KCNH1: variants seen among roughly 807,000 people sequenced by gnomAD.
KCNH1 encodes voltage-gated delayed rectifier potassium channel KCNH1.
Under a neutral mutation model 69.2 loss-of-function variants are expected in KCNH1, and 27 were observed. The observed-to-expected ratio is 0.39, with a 90% CI of 0.29 to 0.54. The LOEUF is 0.54. Among genes scored for constraint, KCNH1 ranks in the 20% least tolerant of loss-of-function variants. The pLI is 0.68. For missense variants in KCNH1, 798 were observed against 1,261.6 expected (o/e 0.63, Z 5.57); for synonymous variants, 456 against 487.7 (o/e 0.93, Z 0.86).
intron 7 of KCNH1, among the ~76,000 whole-genome samples, chr1:210,843,259 T>C (rs937884660): frequency 4.6e-5 from 7 of 152,182 alleles, no homozygotes; most frequent in Admixed American, 2.6e-4. Context: ...TCTAGACCAC[T>C]GGACCATTCT....
intron 6 of KCNH1, among the ~76,000 whole-genome samples, chr1:210,951,990 T>C (rs2102346827): frequency 6.6e-6 from 1 of 152,264 alleles, no homozygotes; most frequent in South Asian, 2.1e-4. Flanking sequence ...CCACTCTTTG[T>C]CACTCCCTGA....
chr1:210,814,330 A>G (rs1684770634), intron 7 of KCNH1, among the ~76,000 whole-genome samples: 1 of 152,176 alleles, frequency 6.6e-6, no homozygotes, highest in African/African-American at 2.4e-5. Context: ...AATATATAAA[A>G]TGCTTATCAC....
intron 7 of KCNH1, among the ~76,000 whole-genome samples, chr1:210,917,229 GAGAAAGAAAGAAAGAAAGAA>G (rs1187754589): frequency 1.6e-4 from 13 of 78,800 alleles, no homozygotes; most frequent in South Asian, 5.0e-4. Flanking sequence ...GAGAGAGAGA[GAGAAAGAAAGAAAGAAAGAA>G]AGAAAGAAAG....
At position 211,090,131 on chromosome 1, in the gene KCNH1, T is replaced by A. The variant is rs193084238; in HGVS notation, c.439+431A>T. 4.0e-4 allele frequency among the ~76,000 whole-genome samples: 61 copies of A among 152,358 alleles called. 1 individual carries two copies. Among genetic ancestry groups the A allele is most frequent in the African/African-American group, 1.4e-3 (60 of 41,594 alleles). Reference sequence around the variant, plus strand: ...TTAATCAACCACAGATGCAAAGATGTGCTAAAGTCCGCTTTAACAATCTTG... The same window carrying A: ...TTAATCAACCACAGATGCAAAGATGAGCTAAAGTCCGCTTTAACAATCTTG... On this transcript the variant is annotated intron_variant, in intron 4 of 10. Coordinates refer to ENST00000271751, the MANE Select transcript of KCNH1 (RefSeq NM_172362.3).
At chr1:210,985,426 A>C (rs12046391) in intron 6 of KCNH1, among the ~76,000 whole-genome samples, 1 of 152,110 alleles carries the variant, frequency 6.6e-6, no homozygotes, top group Non-Finnish European at 1.5e-5. Flanking sequence ...ATGTAGTGCT[A>C]TAAATTTCCC....
At chr1:210,981,167 G>C (rs1219543841) in intron 6 of KCNH1, among the ~76,000 whole-genome samples, 1 of 152,066 alleles carries the variant, frequency 6.6e-6, no homozygotes, top group Non-Finnish European at 1.5e-5. Flanking sequence ...CAGGCAGACA[G>C]TGCTTTCAGT....
chr1:210,885,894 T>G (rs1286362588), intron 7 of KCNH1, among the ~76,000 whole-genome samples: 1 of 152,194 alleles, frequency 6.6e-6, no homozygotes, highest in Non-Finnish European at 1.5e-5. Context: ...GCAGCCCCAG[T>G]CAGGGTCTTA....
rs1329688957 is a variant in KCNH1, at chr1:210,683,813, T to C, written c.2438A>G (p.Lys813Arg). Residue 813 changes from lysine (K) to arginine (R), a missense_variant, in exon 11 of 11, where the codon AAG (lysine) becomes AGG (arginine). Transcript: ENST00000271751. The surrounding 1 kb of genome is among the most constrained non-coding windows in gnomAD (Gnocchi z 5.7). ...ASTSGVPDHA[K>R]LQAPGSECLG... ...GCACTCGGACCCTGGCGCCTGTAGC[T>C]TTGCGTGGTCTGGCACCCCGGAGGT... The C allele has an allele frequency of 1.2e-6, 2 of 1,613,906 alleles. No homozygotes were observed. Among genetic ancestry groups the C allele is most frequent in the Admixed American group, 3.3e-5 (2 of 60,034 alleles).
intron 6 of KCNH1, among the ~76,000 whole-genome samples, chr1:210,971,612 G>A (rs139162609): frequency 0.011 from 1,674 of 152,144 alleles, 14 homozygotes; most frequent in Middle Eastern, 0.034. Flanking sequence ...TTGTGCTACC[G>A]TGCATCTCTT....
chr1:210,791,873 C>T (rs1684219638), intron 9 of KCNH1, among the ~76,000 whole-genome samples: 1 of 151,978 alleles, frequency 6.6e-6, no homozygotes, highest in Non-Finnish European at 1.5e-5. Context: ...AGAGTACCTT[C>T]CAAATTAGGA....
chr1:210,996,762 G>T (rs939685186), intron 6 of KCNH1, among the ~76,000 whole-genome samples: 1 of 152,214 alleles, frequency 6.6e-6, no homozygotes, highest in African/African-American at 2.4e-5. Context: ...ACCTTACAAG[G>T]TCGGGTACTC....
chr1:210,943,187 C>A (rs1687903235), intron 6 of KCNH1, among the ~76,000 whole-genome samples: 1 of 152,134 alleles, frequency 6.6e-6, no homozygotes, highest in Non-Finnish European at 1.5e-5. Context: ...CTTTTGAAAA[C>A]AAACAATGAA....
At chr1:211,085,856 G>A (rs775201133) in intron 4 of KCNH1, among the ~76,000 whole-genome samples, 3 of 152,116 alleles carry the variant, frequency 2.0e-5, no homozygotes, top group Admixed American at 6.5e-5. Context: ...AAATGGGAGC[G>A]GACAACCCAA....
intron 7 of KCNH1, among the ~76,000 whole-genome samples, chr1:210,831,458 A>C (rs1326419425): frequency 6.6e-5 from 10 of 152,192 alleles, no homozygotes; most frequent in Non-Finnish European, 1.5e-4. Context: ...TGAGAAAGGG[A>C]GCTGAGATTA....
chr1:210,761,892 C>T (rs946197479), intron 10 of KCNH1, among the ~76,000 whole-genome samples: 64 of 152,220 alleles, frequency 4.2e-4, no homozygotes, highest in Non-Finnish European at 1.3e-4. Context: ...CTCGACCAAT[C>T]GGACTTAATA....
At chr1:211,049,744 T>G (rs1030328402) in intron 5 of KCNH1, among the ~76,000 whole-genome samples, 4 of 152,140 alleles carry the variant, frequency 2.6e-5, no homozygotes, top group Admixed American at 6.5e-5. Flanking sequence ...GACACAGGCT[T>G]GAACTGGGGA....
At position 210,836,146 on chromosome 1, in the gene KCNH1, G is replaced by A. The variant is rs544279782; in HGVS notation, c.1463-31980C>T. On this transcript the variant is annotated intron_variant, in intron 7 of 10. Coordinates refer to ENST00000271751, the MANE Select transcript of KCNH1 (RefSeq NM_172362.3). ...AAAAAAAAAAAAATTTCTATATTGG[G>A]CTTCATGTAACCTTTTGTTTAATAA... is the stretch of plus-strand genomic sequence containing the variant. 5.3e-5 allele frequency among the ~76,000 whole-genome samples: 8 copies of A among 150,436 alleles called. No individual in the cohort carries two copies. The South Asian group carries it at 1.1e-3, about 20-fold the overall frequency.
At chr1:210,736,743 G>A (rs1365878940) in intron 10 of KCNH1, among the ~76,000 whole-genome samples, 2 of 152,150 alleles carry the variant, frequency 1.3e-5, no homozygotes, top group African/African-American at 2.4e-5. Context: ...TGAAGGAAGA[G>A]GTTAGAGCAG....
intron 6 of KCNH1, among the ~76,000 whole-genome samples, chr1:211,003,292 G>T (rs1039712640): frequency 6.6e-6 from 1 of 152,220 alleles, no homozygotes; most frequent in Non-Finnish European, 1.5e-5. Flanking sequence ...GGAAGGAGAA[G>T]AAAGGTCAAT....
Sources: gnomAD v4.1 joint callset for allele counts (sites outside exome capture counted in the v4.1 genomes callset) on GRCh38, gnomAD v4.1.1 for gene constraint, Gnocchi (gnomAD v3.1) non-coding constraint, MANE v1.5 for transcripts, NCBI Gene and HGNC (gene_info 2026-07-23, HGNC 2026-07-21) for gene names.